Variants in RABGAP1L observed in about 807,000 individuals in gnomAD.
RABGAP1L encodes the protein RAB GTPase activating protein 1 like.
RABGAP1L carries 63 observed loss-of-function variants against 137.7 expected under a neutral mutation model. The observed-to-expected ratio is 0.46, with a 90% CI of 0.37 to 0.56. The LOEUF (loss-of-function observed/expected upper bound fraction) is 0.56. RABGAP1L is among the 20% of genes least tolerant of loss of function. The pLI is 0.00. For missense variants in RABGAP1L, 1,095 were observed against 1,244.0 expected (o/e 0.88, Z 1.80); for synonymous variants, 431 against 433.7 (o/e 0.99, Z 0.08).
chr1:174,615,463 T>C (rs1671735909), intron 13 of RABGAP1L, among the ~76,000 whole-genome samples: 1 of 152,210 alleles, frequency 6.6e-6, no homozygotes. Context: ...TACCCTGCCA[T>C]GTCAGGTGTC....
chr1:174,716,435 C>T (rs1681018341), intron 17 of RABGAP1L, among the ~76,000 whole-genome samples: 1 of 152,208 alleles, frequency 6.6e-6, no homozygotes, highest in Non-Finnish European at 1.5e-5. Flanking sequence ...GTATGCGCCA[C>T]TGTACCCAGC....
rs549626457 is a variant in RABGAP1L, at chr1:174,460,322, A to C, written c.1710+66177A>C. On this transcript the variant is annotated intron_variant, in intron 13 of 25. Transcript: ENST00000681986. Reference sequence around the variant, plus strand: ...AAAGGAAATTTAGGAAATGTTTAAAATGATAAAAAAGAGACTAAATTACGC... The same window carrying C: ...AAAGGAAATTTAGGAAATGTTTAAACTGATAAAAAAGAGACTAAATTACGC... 2.0e-5 allele frequency among the ~76,000 whole-genome samples: 3 copies of C among 152,222 alleles called. No individual in the cohort carries two copies. The East Asian group carries it at 5.8e-4, about 29-fold the overall frequency.
intron 6 of RABGAP1L, 104 bp from the exon 7 acceptor site, chr1:174,252,376 G>A: frequency 7.4e-7 from 1 of 1,350,196 alleles, no homozygotes; most frequent in South Asian, 1.5e-5. Context: ...AAGAATAAGG[G>A]TGTTGTTGCT....
chr1:174,788,787 C>T (rs1307736395), intron 18 of RABGAP1L, among the ~76,000 whole-genome samples: 2 of 152,192 alleles, frequency 1.3e-5, no homozygotes, highest in Non-Finnish European at 2.9e-5. Flanking sequence ...TCTCGGCTTA[C>T]TGGAACCTCC....
At chr1:174,488,317 GTT>G (rs138608926) in intron 13 of RABGAP1L, among the ~76,000 whole-genome samples, 1 of 147,078 alleles carries the variant, frequency 6.8e-6, no homozygotes, top group Admixed American at 6.8e-5. Flanking sequence ...CAGGATAAAA[GTT>G]TTTTTTTTTT....
At chr1:174,169,618 T>C (rs1665181393) in intron 1 of RABGAP1L, among the ~76,000 whole-genome samples, 1 of 152,228 alleles carries the variant, frequency 6.6e-6, no homozygotes, top group South Asian at 2.1e-4. Flanking sequence ...TAAATTTCAT[T>C]GTGTTGCATG....
chr1:174,600,009 GA>G (rs1286375041), intron 13 of RABGAP1L, among the ~76,000 whole-genome samples: 1 of 152,114 alleles, frequency 6.6e-6, no homozygotes, highest in African/African-American at 2.4e-5. Flanking sequence ...AGACTGGGAA[GA>G]AAAAGAGGTT....
chr1:174,345,782 G>A (rs966864012), intron 11 of RABGAP1L, among the ~76,000 whole-genome samples: 2 of 152,036 alleles, frequency 1.3e-5, no homozygotes, highest in Non-Finnish European at 2.9e-5. Context: ...GTACTATGTC[G>A]AATAACTGTG....
intron 17 of RABGAP1L, among the ~76,000 whole-genome samples, chr1:174,738,355 T>C (rs1683122249): frequency 1.3e-5 from 2 of 152,184 alleles, no homozygotes; most frequent in African/African-American, 4.8e-5. Flanking sequence ...GAATAAGGAA[T>C]TGGAATTCAG....
At chr1:174,704,931 G>T (rs1486593015) in intron 17 of RABGAP1L, among the ~76,000 whole-genome samples, 1 of 152,054 alleles carries the variant, frequency 6.6e-6, no homozygotes, top group African/African-American at 2.4e-5. Context: ...TAAAAGTTTT[G>T]ATAAATATTC....
intron 19 of RABGAP1L, among the ~76,000 whole-genome samples, chr1:174,835,987 A>G (rs1156665660): frequency 6.6e-6 from 1 of 152,250 alleles, no homozygotes; most frequent in African/African-American, 2.4e-5. Flanking sequence ...AAATGACTGC[A>G]TGGTTCAGAA....
At chr1:174,754,966 C>T (rs919048144) in intron 18 of RABGAP1L, among the ~76,000 whole-genome samples, 1 of 152,194 alleles carries the variant, frequency 6.6e-6, no homozygotes, top group African/African-American at 2.4e-5. Context: ...CATTAACATA[C>T]ATTAAATGTC....
chr1:174,360,218 A>G (rs1057355339), intron 11 of RABGAP1L, among the ~76,000 whole-genome samples: 3 of 146,450 alleles, frequency 2.0e-5, no homozygotes, highest in African/African-American at 8.0e-5. Context: ...TTTGTTTCAT[A>G]TAGCAATAGG....
chr1:174,327,473 A>G (rs950242087), intron 11 of RABGAP1L, among the ~76,000 whole-genome samples: 4 of 152,058 alleles, frequency 2.6e-5, no homozygotes, highest in Non-Finnish European at 5.9e-5. Flanking sequence ...TCTCATGGTA[A>G]CTACAAAGCA....
At chr1:174,299,036 G>C (rs368389619) in intron 10 of RABGAP1L, among the ~76,000 whole-genome samples, 13 of 152,248 alleles carry the variant, frequency 8.5e-5, no homozygotes, top group African/African-American at 3.1e-4. Context: ...ATTTCTCTCT[G>C]TCTAGTCCTC....
chr1:174,637,896 G>A (rs557084362), intron 14 of RABGAP1L, among the ~76,000 whole-genome samples: 1 of 152,190 alleles, frequency 6.6e-6, no homozygotes, highest in African/African-American at 2.4e-5. Flanking sequence ...ATTATTGGAT[G>A]TTGTTGATAT....
intron 12 of RABGAP1L, among the ~76,000 whole-genome samples, chr1:174,376,804 C>G (rs1372734133): frequency 6.6e-6 from 1 of 152,130 alleles, no homozygotes. Context: ...GTAGGGATAT[C>G]TACTCTCATG....
intron 13 of RABGAP1L, among the ~76,000 whole-genome samples, chr1:174,616,185 C>G (rs927466487): frequency 6.6e-6 from 1 of 152,226 alleles, no homozygotes; most frequent in African/African-American, 2.4e-5. Context: ...ATGCTAGGAG[C>G]TGTAGACAGA....
intron 17 of RABGAP1L, among the ~76,000 whole-genome samples, chr1:174,724,562 G>C (rs528233707): frequency 6.6e-6 from 1 of 152,276 alleles, no homozygotes; most frequent in South Asian, 2.1e-4. Flanking sequence ...TAGAGGACCA[G>C]AGATATTCAC....
Sources: gnomAD v4.1 joint callset for allele counts (sites outside exome capture counted in the v4.1 genomes callset) on GRCh38, gnomAD v4.1.1 for gene constraint, MANE v1.5 for transcripts, NCBI Gene and HGNC (gene_info 2026-07-23, HGNC 2026-07-21) for gene names.